Variants in LRMDA observed in about 807,000 individuals in gnomAD.
LRMDA encodes leucine rich melanocyte differentiation associated.
In LRMDA, 18 loss-of-function variants were observed where a neutral mutation model predicts 29.8. The observed-to-expected ratio is 0.60, with a 90% CI of 0.42 to 0.90. LRMDA has a LOEUF of 0.90. LRMDA is among the 40% of genes least tolerant of loss of function. The pLI is 0.00. For synonymous variants in LRMDA, 125 were observed against 109.4 expected, an observed-to-expected ratio of 1.14 and a Z score of -0.89; for missense variants, 273 against 273.9, an observed-to-expected ratio of 1.00 and a Z score of 0.02.
intron 5 of LRMDA, among the ~76,000 whole-genome samples, chr10:76,110,239 C>G (rs1465891276): frequency 6.6e-6 from 1 of 152,340 alleles, no homozygotes; most frequent in African/African-American, 2.4e-5. Flanking sequence ...GTTCCACATT[C>G]TACCTGCCAC....
At chr10:76,486,086 G>T (rs1490595203) in intron 6 of LRMDA, among the ~76,000 whole-genome samples, 2 of 151,870 alleles carry the variant, frequency 1.3e-5, no homozygotes, top group Non-Finnish European at 2.9e-5. Flanking sequence ...CAGATATGGA[G>T]GAAATAGAGT....
chr10:75,509,900 G>A (rs1050990888), intron 2 of LRMDA, among the ~76,000 whole-genome samples: 17 of 152,304 alleles, frequency 1.1e-4, no homozygotes, highest in Admixed American at 2.6e-4. Context: ...AGGGCAGACC[G>A]CATGTGGGGC....
intron 2 of LRMDA, among the ~76,000 whole-genome samples, chr10:75,932,261 C>A (rs929438257): frequency 3.3e-5 from 5 of 152,142 alleles, no homozygotes; most frequent in Non-Finnish European, 7.3e-5. Context: ...ATCAGTATAG[C>A]TGACTGATCA....
chr10:76,201,103 TTATTTATA>T (rs68126765), intron 5 of LRMDA, among the ~76,000 whole-genome samples: 5,491 of 84,658 alleles, frequency 0.065, 174 homozygotes, highest in East Asian at 0.2. Context: ...ATTTATTTAT[TTATTTATA>T]TTTAGACGGA....
At chr10:75,736,430 C>A (rs1032508189) in intron 2 of LRMDA, among the ~76,000 whole-genome samples, 2 of 152,174 alleles carry the variant, frequency 1.3e-5, no homozygotes, top group African/African-American at 2.4e-5. Flanking sequence ...ATTAAACACA[C>A]ACAGCGGGAG....
At chr10:76,491,807 T>G (rs2132335962) in intron 6 of LRMDA, among the ~76,000 whole-genome samples, 1 of 152,184 alleles carries the variant, frequency 6.6e-6, no homozygotes, top group South Asian at 2.1e-4. Flanking sequence ...GGCCAATTAC[T>G]CTTAGATTTG....
intron 2 of LRMDA, among the ~76,000 whole-genome samples, chr10:76,002,440 G>T (rs1167407896): frequency 6.6e-6 from 1 of 152,178 alleles, no homozygotes; most frequent in South Asian, 2.1e-4. Context: ...TGTGGCTGTG[G>T]GTTTCACATC....
chr10:75,963,370 A>G (rs1438971405), intron 2 of LRMDA, among the ~76,000 whole-genome samples: 2 of 152,234 alleles, frequency 1.3e-5, no homozygotes, highest in African/African-American at 4.8e-5. Flanking sequence ...TGTACATAGA[A>G]TATTGCTTAT....
intron 5 of LRMDA, among the ~76,000 whole-genome samples, chr10:76,237,098 T>G (rs1412044144): frequency 6.6e-6 from 1 of 152,156 alleles, no homozygotes; most frequent in African/African-American, 2.4e-5. Context: ...GCCAGAGGAT[T>G]GCTTGAGTCT....
intron 5 of LRMDA, among the ~76,000 whole-genome samples, chr10:76,134,922 CAT>C (rs1433493740): frequency 1.3e-5 from 2 of 152,154 alleles, no homozygotes; most frequent in Non-Finnish European, 2.9e-5. Flanking sequence ...AATAGCTCCA[CAT>C]AAGAGAATTA....
chr10:75,500,830 A>G (rs538065704), intron 2 of LRMDA, among the ~76,000 whole-genome samples: 5 of 152,244 alleles, frequency 3.3e-5, no homozygotes, highest in Admixed American at 6.5e-5. Context: ...CTATGATCCA[A>G]TCACCTCCCA....
At chr10:75,466,049 ATC>A (rs547111546) in intron 2 of LRMDA, among the ~76,000 whole-genome samples, 1 of 152,248 alleles carries the variant, frequency 6.6e-6, no homozygotes, top group Non-Finnish European at 1.5e-5. Flanking sequence ...CTGACAGCAG[ATC>A]TGTTTTGAAT....
chr10:75,674,106 A>G (rs571610392), intron 2 of LRMDA, among the ~76,000 whole-genome samples: 2 of 152,348 alleles, frequency 1.3e-5, no homozygotes, highest in Non-Finnish European at 2.9e-5. Flanking sequence ...TGCTGGGACT[A>G]GTTTTTCCTT....
At chr10:75,775,785 G>A (rs1443742768) in intron 2 of LRMDA, among the ~76,000 whole-genome samples, 2 of 152,282 alleles carry the variant, frequency 1.3e-5, no homozygotes, top group South Asian at 2.1e-4. Context: ...GTTCCTGGCT[G>A]TCTTTTCACA....
chr10:75,576,797 G>T (rs1589190863), intron 2 of LRMDA, among the ~76,000 whole-genome samples: 1 of 152,196 alleles, frequency 6.6e-6, no homozygotes. Flanking sequence ...CAGCAGAGGG[G>T]CCTGTTAGAA....
At chr10:76,522,421 G>A (rs536801311) in intron 6 of LRMDA, among the ~76,000 whole-genome samples, 1 of 152,288 alleles carries the variant, frequency 6.6e-6, no homozygotes, top group East Asian at 1.9e-4. Context: ...CTAGAACGGT[G>A]CCAGGGATAT....
intron 2 of LRMDA, among the ~76,000 whole-genome samples, chr10:75,550,971 AT>A (rs1201087400): frequency 6.6e-6 from 1 of 151,248 alleles, no homozygotes; most frequent in Non-Finnish European, 1.5e-5. Flanking sequence ...TATTGTCTAC[AT>A]TTTACTTTTA....
At chr10:76,332,964 C>T (rs1414016869) in intron 6 of LRMDA, among the ~76,000 whole-genome samples, 1 of 152,072 alleles carries the variant, frequency 6.6e-6, no homozygotes, top group Non-Finnish European at 1.5e-5. Context: ...AATAAGAGCT[C>T]TATTAGTTGG....
intron 6 of LRMDA, among the ~76,000 whole-genome samples, chr10:76,503,819 C>T (rs1842934798): frequency 6.7e-6 from 1 of 148,390 alleles, no homozygotes; most frequent in African/African-American, 2.5e-5. Context: ...TTTTGCATTT[C>T]AATTTCATTT....
Sources: allele counts gnomAD v4.1 joint callset (sites outside exome capture counted in the v4.1 genomes callset), GRCh38; gene constraint gnomAD v4.1.1; transcripts MANE v1.5; gene names NCBI Gene and HGNC (gene_info 2026-07-23, HGNC 2026-07-21).